ABCG5: variants seen among roughly 807,000 people sequenced by gnomAD.
ABCG5 encodes the protein ATP binding cassette subfamily G member 5, also known as ATP-binding cassette sub-family G member 5.
ABCG5 carries 64 observed loss-of-function variants against 64.5 expected under a neutral mutation model. That is an observed-to-expected ratio of 0.99 (90% CI 0.81 to 1.22). ABCG5 has a LOEUF of 1.22. ABCG5 is among the 50% of genes most tolerant of loss of function. The pLI, the probability that ABCG5 is intolerant of heterozygous loss-of-function variation, is 0.00. For synonymous variants in ABCG5, 385 were observed against 326.3 expected (o/e 1.18, Z -1.94); for missense variants, 908 against 829.5 (o/e 1.09, Z -1.16).
At chr2:43,833,572 G>A (rs1668081926) in intron 2 of ABCG5, among the ~76,000 whole-genome samples, 1 of 151,944 alleles carries the variant, frequency 6.6e-6, no homozygotes, top group Non-Finnish European at 1.5e-5. Context: ...TTTTAGTAGA[G>A]ATGGGGTTTC....
Position 43,838,447 on chromosome 2 carries a change from G to A in ABCG5, c.143+90C>T, listed in dbSNP as rs1668421568. On this transcript the variant is annotated intron_variant, in intron 1 of 12. Transcript: ENST00000405322. This position sits in a 1 kb window ranked among gnomAD's most constrained non-coding sequence, Gnocchi z 4.2. ...AGAGGGAGCCCGAAGTGCCCAGACT[G>A]GCACTTAAAGAGTGAAGAAAGGCAG... 6.1e-6 allele frequency: 8 copies of A among 1,314,832 alleles called. No homozygotes were observed. In the Admixed American group the frequency reaches 1.6e-4, roughly 27 times the overall value. 81.4% of individuals were successfully genotyped at this position (1,314,832 alleles called of 1,614,324 possible).
rs773653057 is a variant in ABCG5, at chr2:43,823,900, C to T, written c.1324+13G>A. On this transcript the variant is annotated intron_variant, in intron 9 of 12. Transcript: ENST00000405322. Reference sequence around the variant, plus strand: ...GGGAGAAAGAGGTGCACCTCCAGCACGTGGGCACTTACACAGATTCACAGC... The same window carrying T: ...GGGAGAAAGAGGTGCACCTCCAGCATGTGGGCACTTACACAGATTCACAGC... The T allele has an allele frequency of 2.7e-5, 43 of 1,612,878 alleles. No individual in the cohort carries two copies. The Admixed American group carries it at 6.0e-4, about 23-fold the overall frequency.
chr2:43,811,879 C>A (rs1666496815), downstream of ABCG5, among the ~76,000 whole-genome samples: 1 of 152,166 alleles, frequency 6.6e-6, no homozygotes, highest in Admixed American at 6.5e-5. Context: ...CAGGCATGAG[C>A]CACCGCGCCT....
At chr2:43,830,585 G>C (rs989534893) in intron 4 of ABCG5, among the ~76,000 whole-genome samples, 2 of 152,220 alleles carry the variant, frequency 1.3e-5, no homozygotes, top group Admixed American at 1.3e-4. Context: ...ATTATCATCA[G>C]CACTTCCTTC....
At position 43,820,085 on chromosome 2, in the gene ABCG5, A is replaced by G; in HGVS notation, c.1479T>C (p.His493=). The change falls in exon 11 of 13, where the codon CAT becomes CAC. Residue 493 remains histidine, a synonymous_variant. Transcript: ENST00000405322. The part of the protein sequence containing the change: ...SSVCYWTLGL[H]PEVARFGYFS... ...AATATCCAAATCGGGCAACCTCAGGATGTAAGCCCAGCGTCCTAGAAAAGC... is the reference window on the plus strand; with the variant it reads ...AATATCCAAATCGGGCAACCTCAGGGTGTAAGCCCAGCGTCCTAGAAAAGC... 1 of 1,613,956 alleles carries G rather than the reference A, an allele frequency of 6.2e-7. No homozygotes were observed. The highest frequency in any genetic ancestry group is 8.5e-7 in the Non-Finnish European group (1 of 1,179,934).
intron 10 of ABCG5, among the ~76,000 whole-genome samples, chr2:43,821,068 A>G (rs555728005): frequency 6.6e-6 from 1 of 152,300 alleles, no homozygotes; most frequent in South Asian, 2.1e-4. Context: ...ACCATTAGGC[A>G]TGGCTGCTCT....
downstream of ABCG5, chr2:43,810,143 CT>C (rs1666432198): frequency 2.8e-6 from 1 of 352,158 alleles, no homozygotes; most frequent in Admixed American, 6.4e-5. Flanking sequence ...CACATTCTTT[CT>C]AAAAGGCATT....
chr2:43,838,866 A>T, upstream of ABCG5: 1 of 1,243,150 alleles, frequency 8.0e-7, no homozygotes, highest in South Asian at 1.4e-5. This position sits in a 1 kb window ranked among gnomAD's most constrained non-coding sequence, Gnocchi z 4.2. Flanking sequence ...GCGCGTCCTT[A>T]TCTTGACAGT....
chr2:43,818,399 G>A (rs112198934), intron 11 of ABCG5, among the ~76,000 whole-genome samples: 20 of 152,130 alleles, frequency 1.3e-4, no homozygotes, highest in Non-Finnish European at 2.6e-4. Flanking sequence ...AGCTGAGATC[G>A]CGCCATTGCA....
Position 43,838,745 on chromosome 2 carries a change from T to A in ABCG5, c.-66A>T. 3.8e-6 allele frequency: 6 copies of A among 1,589,098 alleles called. No homozygotes were observed. Among genetic ancestry groups the A allele is most frequent in the Non-Finnish European group, 5.1e-6 (6 of 1,168,678 alleles). On this transcript the variant is annotated 5_prime_UTR_variant, in exon 1 of 13. Coordinates refer to ENST00000405322, the MANE Select transcript of ABCG5 (RefSeq NM_022436.3). This position sits in a 1 kb window ranked among gnomAD's most constrained non-coding sequence, Gnocchi z 4.2. ...GGACCCTCCCCAGAGTGGCTTCAGT[T>A]GGGGAGCCCGTGGCAGACTGCCCTG...
chr2:43,815,046 C>T (rs751613598), intron 11 of ABCG5, among the ~76,000 whole-genome samples: 5 of 152,196 alleles, frequency 3.3e-5, no homozygotes, highest in South Asian at 2.1e-4. Context: ...CTGATATAAA[C>T]GTACAAGAAA....
chr2:43,818,148 G>T (rs1666963131), intron 11 of ABCG5, among the ~76,000 whole-genome samples: 1 of 151,890 alleles, frequency 6.6e-6, no homozygotes, highest in Admixed American at 6.6e-5. Flanking sequence ...TGATTGTATG[G>T]CTACTCAAAA....
At chr2:43,828,577 G>A (rs919052736) in intron 4 of ABCG5, 22 of 339,352 alleles carry the variant, frequency 6.5e-5, no homozygotes, top group African/African-American at 3.3e-4. Flanking sequence ...CAGGAGGATC[G>A]CTTGATCCCA....
chr2:43,820,502 G>A (rs1325958330), intron 10 of ABCG5, among the ~76,000 whole-genome samples: 2 of 152,062 alleles, frequency 1.3e-5, no homozygotes, highest in African/African-American at 4.8e-5. Context: ...CCGCTTCCCA[G>A]CACCCCCTTC....
chr2:43,823,995 A>T lies in ABCG5; in HGVS notation c.1242T>A (p.Gly414=). The T allele has an allele frequency of 6.2e-7, 1 of 1,614,154 alleles. No individual in the cohort carries two copies. The highest frequency in any genetic ancestry group is 8.5e-7 in the Non-Finnish European group (1 of 1,180,034). ...GGAGACCTACGCGGTCCTGGATAGC[A>T]CCCTTTAGCACATTGCTTCGGACCC... ...VLRVRSNVLK[G]AIQDRVGLLY... The change falls in exon 9 of 13, where the codon GGT becomes GGA. Residue 414 remains glycine (G), a synonymous_variant. Transcript: ENST00000405322.
At chr2:43,839,040 G>C, upstream of ABCG5, 1 of 1,550,660 alleles carries the variant, frequency 6.4e-7, no homozygotes, top group African/African-American at 1.4e-5. Context: ...CAGGGTCACA[G>C]ACCTGTGGGC....
chr2:43,810,098 C>T (rs1191726351), downstream of ABCG5: 1 of 522,884 alleles, frequency 1.9e-6, no homozygotes, highest in Non-Finnish European at 2.5e-6. Flanking sequence ...TATTTGGTTA[C>T]AGTTTTAAAT....
rs779213683 is a variant in ABCG5, at chr2:43,832,117, CA to C, written c.266-35del. 4.4e-5 allele frequency: 69 copies of C among 1,561,968 alleles called. No individual in the cohort carries two copies. In the Admixed American group the frequency reaches 1.3e-3, roughly 29 times the overall value. ...CGACAACAGAAGGCCCTAGAGGAAC[CA>C]CTCTGTGCCGGCCTTGGAGGAGCTT... On this transcript the variant is annotated intron_variant, in intron 2 of 12. Coordinates refer to ENST00000405322, the MANE Select transcript of ABCG5 (RefSeq NM_022436.3).
At position 43,832,257 on chromosome 2, in the gene ABCG5, C is replaced by G. The variant is rs1443816227; in HGVS notation, c.266-174G>C. 6.0e-6 allele frequency: 5 copies of G among 832,282 alleles called. No homozygotes were observed. The Admixed American group carries it at 6.8e-5, about 11-fold the overall frequency. 51.6% of individuals were successfully genotyped at this position (832,282 alleles called of 1,614,324 possible). The stretch of plus-strand genomic sequence containing the variant: ...CAGGCCCTGCCCTATGGAACGCGCA[C>G]TGTGCGTGCAGCAGTCTCACGCGCA... On this transcript the variant is annotated intron_variant, in intron 2 of 12. Coordinates refer to ENST00000405322, the MANE Select transcript of ABCG5 (RefSeq NM_022436.3).
Sources: gnomAD v4.1 joint callset for allele counts (sites outside exome capture counted in the v4.1 genomes callset) on GRCh38, gnomAD v4.1.1 for gene constraint, Gnocchi (gnomAD v3.1) non-coding constraint, MANE v1.5 for transcripts, NCBI Gene and HGNC (gene_info 2026-07-23, HGNC 2026-07-21) for gene names.